The following NKAIN2 variants were observed in gnomAD, a reference collection of about 807,000 sequenced individuals.
The protein encoded by NKAIN2 is sodium/potassium transporting ATPase interacting 2.
In NKAIN2, 14 loss-of-function variants were observed where a neutral mutation model predicts 32.6. The observed-to-expected ratio is 0.43, with a 90% CI of 0.28 to 0.67. NKAIN2 has a LOEUF of 0.67. Among genes scored for constraint, NKAIN2 ranks in the 30% least tolerant of loss-of-function variants. The pLI, the probability that NKAIN2 is intolerant of heterozygous loss-of-function variation, is 0.17. For synonymous variants in NKAIN2, 80 were observed against 87.2 expected (o/e 0.92, Z 0.46); for missense variants, 198 against 258.3 (o/e 0.77, Z 1.60).
intron 3 of NKAIN2, among the ~76,000 whole-genome samples, chr6:124,532,821 T>C (rs777497165): frequency 4.6e-5 from 7 of 152,226 alleles, no homozygotes; most frequent in Non-Finnish European, 7.3e-5. Context: ...TTTTTTGTGC[T>C]TGGGGGAAAT....
intron 3 of NKAIN2, among the ~76,000 whole-genome samples, chr6:124,378,155 T>C (rs954693782): frequency 2.8e-4 from 43 of 152,108 alleles, no homozygotes; most frequent in Admixed American, 2.3e-3. Flanking sequence ...TGTGCACCCA[T>C]TATCACTTCA....
intron 1 of NKAIN2, among the ~76,000 whole-genome samples, chr6:123,805,483 A>G (rs913477189): frequency 1.3e-5 from 2 of 152,152 alleles, no homozygotes; most frequent in South Asian, 2.1e-4. Context: ...TTCCCCTGAA[A>G]GTTATCTGAT....
chr6:124,777,659 A>G (rs1779041701), intron 4 of NKAIN2, among the ~76,000 whole-genome samples: 1 of 152,170 alleles, frequency 6.6e-6, no homozygotes, highest in Non-Finnish European at 1.5e-5. Flanking sequence ...TGAAATTGAT[A>G]TATAACTTGG....
At chr6:124,394,666 A>G (rs1042073640) in intron 3 of NKAIN2, among the ~76,000 whole-genome samples, 2 of 151,986 alleles carry the variant, frequency 1.3e-5, no homozygotes, top group Admixed American at 1.3e-4. Context: ...AAAAAAAAAA[A>G]AACAGTGTCC....
chr6:123,950,958 T>C (rs1424298412), intron 1 of NKAIN2, among the ~76,000 whole-genome samples: 1 of 152,010 alleles, frequency 6.6e-6, no homozygotes, highest in Non-Finnish European at 1.5e-5. Context: ...ACTGCACTTG[T>C]ATCTCATAGA....
intron 1 of NKAIN2, among the ~76,000 whole-genome samples, chr6:124,162,721 G>A (rs1788341652): frequency 6.6e-6 from 1 of 152,060 alleles, no homozygotes; most frequent in South Asian, 2.1e-4. Context: ...CAAAGTGGTA[G>A]CCAGACAGTG....
chr6:123,944,757 C>CT (rs112181229), intron 1 of NKAIN2, among the ~76,000 whole-genome samples: 4,895 of 151,298 alleles, frequency 0.032, 219 homozygotes, highest in African/African-American at 0.11. Context: ...ATGACTTGGA[C>CT]TTTTTTTTTA....
At chr6:124,223,017 G>C (rs1209952354) in intron 1 of NKAIN2, among the ~76,000 whole-genome samples, 1 of 151,954 alleles carries the variant, frequency 6.6e-6, no homozygotes, top group African/African-American at 2.4e-5. Flanking sequence ...TTCAAGACCA[G>C]CCTGGCCAAC....
intron 3 of NKAIN2, among the ~76,000 whole-genome samples, chr6:124,450,486 A>ATC (rs1479720614): frequency 3.3e-5 from 5 of 151,922 alleles, no homozygotes; most frequent in Non-Finnish European, 7.4e-5. Context: ...AATAATCCAA[A>ATC]TCAACACTGC....
At chr6:124,561,568 G>T (rs923368654) in intron 3 of NKAIN2, among the ~76,000 whole-genome samples, 3 of 152,152 alleles carry the variant, frequency 2.0e-5, no homozygotes, top group Admixed American at 6.5e-5. Flanking sequence ...CTTAATGAGA[G>T]GAAGATCGCA....
At chr6:124,632,661 G>T (rs983172750) in intron 3 of NKAIN2, among the ~76,000 whole-genome samples, 1 of 152,090 alleles carries the variant, frequency 6.6e-6, no homozygotes, top group African/African-American at 2.4e-5. Context: ...TATAAAAGCT[G>T]CAAAGAGCTT....
At chr6:124,513,775 A>G (rs1401726402) in intron 3 of NKAIN2, among the ~76,000 whole-genome samples, 1 of 152,178 alleles carries the variant, frequency 6.6e-6, no homozygotes, top group Non-Finnish European at 1.5e-5. Flanking sequence ...TGAGCTTTTG[A>G]GCTGATTATA....
At chr6:123,834,735 T>A (rs1774541000) in intron 1 of NKAIN2, among the ~76,000 whole-genome samples, 1 of 152,168 alleles carries the variant, frequency 6.6e-6, no homozygotes, top group Non-Finnish European at 1.5e-5. Flanking sequence ...AAGTTGAGGT[T>A]CCCCACTATA....
At position 124,643,839 on chromosome 6, in the gene NKAIN2, G is replaced by T. The variant is rs142086519; in HGVS notation, c.274-14347G>T. 9.0e-4 allele frequency among the ~76,000 whole-genome samples: 137 copies of T among 152,162 alleles called. 1 individual carries two copies. The highest frequency in any genetic ancestry group is 3.2e-3 in the African/African-American group (131 of 41,526). ...AGAAAATATTTCATATTTTTAAATT[G>T]CAACTCTCACACTCCATCTTCAAAT... On this transcript the variant is annotated intron_variant, in intron 3 of 6. Transcript: ENST00000368417.
At chr6:124,786,466 G>C (rs187686566) in intron 4 of NKAIN2, among the ~76,000 whole-genome samples, 1 of 151,994 alleles carries the variant, frequency 6.6e-6, no homozygotes, top group African/African-American at 2.4e-5. Context: ...TTACCAAAAG[G>C]CTTTGGTTTC....
intron 1 of NKAIN2, among the ~76,000 whole-genome samples, chr6:124,243,066 A>T (rs926844070): frequency 6.6e-6 from 1 of 151,902 alleles, no homozygotes; most frequent in South Asian, 2.1e-4. Context: ...AGGGCGGAGT[A>T]AAAGGAGATA....
At chr6:124,763,135 G>T (rs900819654) in intron 4 of NKAIN2, among the ~76,000 whole-genome samples, 2 of 152,148 alleles carry the variant, frequency 1.3e-5, no homozygotes, top group Non-Finnish European at 2.9e-5. Context: ...TGGGGTTGGG[G>T]GAAAGCAGGG....
At chr6:124,446,050 C>T (rs547011115) in intron 3 of NKAIN2, among the ~76,000 whole-genome samples, 18 of 152,192 alleles carry the variant, frequency 1.2e-4, no homozygotes, top group African/African-American at 4.1e-4. Context: ...TGCAGAACAA[C>T]GGCAGAACAT....
chr6:124,474,691 G>A (rs1016551541), intron 3 of NKAIN2, among the ~76,000 whole-genome samples: 2 of 151,408 alleles, frequency 1.3e-5, no homozygotes, highest in African/African-American at 4.8e-5. Flanking sequence ...AATTTTGTCA[G>A]TAACTATGCC....
Sources: allele counts gnomAD v4.1 joint callset (sites outside exome capture counted in the v4.1 genomes callset), GRCh38; gene constraint gnomAD v4.1.1; transcripts MANE v1.5; gene names NCBI Gene and HGNC (gene_info 2026-07-23, HGNC 2026-07-21).